Variants in CDK14 observed in about 807,000 individuals in gnomAD.
The protein encoded by CDK14 is cyclin dependent kinase 14, also known as cyclin-dependent kinase 14.
A neutral mutation model predicts 60.7 loss-of-function variants in CDK14; 34 were observed. The observed-to-expected ratio is 0.56, with a 90% CI of 0.43 to 0.75. CDK14 has a LOEUF of 0.75. Ranked by LOEUF, CDK14 falls within the 30% of genes least tolerant of loss-of-function variation. The probability of loss-of-function intolerance (pLI) is 0.00; values close to 1 mark genes in which losing one functional copy is unlikely to be tolerated. For synonymous variants in CDK14, 197 were observed against 203.7 expected, an observed-to-expected ratio of 0.97 and a Z score of 0.28; for missense variants, 482 against 564.1, an observed-to-expected ratio of 0.85 and a Z score of 1.47.
At chr7:90,965,687 C>G (rs1011136303) in intron 9 of CDK14, among the ~76,000 whole-genome samples, 1 of 152,196 alleles carries the variant, frequency 6.6e-6, no homozygotes, top group Non-Finnish European at 1.5e-5. Flanking sequence ...AGAATGCATA[C>G]ATTAGAGATA....
intron 4 of CDK14, among the ~76,000 whole-genome samples, chr7:90,787,567 T>A (rs562398385): frequency 1.1e-4 from 16 of 152,316 alleles, no homozygotes; most frequent in African/African-American, 3.8e-4. Context: ...TATACTATTA[T>A]AACAGCATTA....
intron 2 of CDK14, among the ~76,000 whole-genome samples, chr7:90,715,657 C>CTTT (rs34981055): frequency 3.2e-5 from 4 of 124,970 alleles, no homozygotes; most frequent in Non-Finnish European, 5.1e-5. Flanking sequence ...AGGAATAGAC[C>CTTT]TTTTTTTTTT....
intron 8 of CDK14, among the ~76,000 whole-genome samples, chr7:90,936,402 A>G (rs1262677883): frequency 3.3e-4 from 50 of 152,334 alleles, no homozygotes; most frequent in Admixed American, 3.3e-3. Flanking sequence ...ATCATATTCT[A>G]ACATGAATCA....
intron 8 of CDK14, among the ~76,000 whole-genome samples, chr7:90,938,354 G>A (rs1298541435): frequency 6.6e-6 from 1 of 152,224 alleles, no homozygotes; most frequent in Non-Finnish European, 1.5e-5. Context: ...CACATGGACA[G>A]ACTAGGCTTT....
intron 7 of CDK14, among the ~76,000 whole-genome samples, chr7:90,916,483 TG>T (rs1458815124): frequency 6.6e-6 from 1 of 152,238 alleles, no homozygotes; most frequent in East Asian, 1.9e-4. Context: ...GAAATTCACT[TG>T]GCTTTCAAAG....
chr7:91,126,345 C>T (rs1346669474), intron 14 of CDK14, among the ~76,000 whole-genome samples: 1 of 152,120 alleles, frequency 6.6e-6, no homozygotes, highest in Non-Finnish European at 1.5e-5. Flanking sequence ...CCAACCTCCA[C>T]CATACCTGTT....
At chr7:90,889,965 G>A (rs553373353) in intron 6 of CDK14, among the ~76,000 whole-genome samples, 4 of 152,294 alleles carry the variant, frequency 2.6e-5, no homozygotes, top group African/African-American at 9.6e-5. Flanking sequence ...ACTGGTTCAT[G>A]AATGGCTTGT....
intron 5 of CDK14, among the ~76,000 whole-genome samples, chr7:90,833,500 A>G (rs1562791194): frequency 6.6e-6 from 1 of 152,194 alleles, no homozygotes; most frequent in Non-Finnish European, 1.5e-5. Flanking sequence ...TCTGTCTTCA[A>G]GTCTCTTGTG....
At chr7:90,852,183 T>C (rs996952394) in intron 5 of CDK14, among the ~76,000 whole-genome samples, 1 of 152,198 alleles carries the variant, frequency 6.6e-6, no homozygotes, top group Non-Finnish European at 1.5e-5. Flanking sequence ...AGGGGTGAGC[T>C]GCTGTGTCTG....
chr7:90,681,590 A>G (rs1801318758), intron 2 of CDK14, among the ~76,000 whole-genome samples: 1 of 152,228 alleles, frequency 6.6e-6, no homozygotes, highest in African/African-American at 2.4e-5. Context: ...TTGTAATAAT[A>G]TAACAATTAA....
At chr7:90,598,339 G>T (rs1272758911) in intron 1 of CDK14, among the ~76,000 whole-genome samples, 2 of 152,284 alleles carry the variant, frequency 1.3e-5, no homozygotes, top group African/African-American at 4.8e-5. Flanking sequence ...GCAAATGGGG[G>T]TATTATAGTT....
chr7:90,647,667 A>G (rs1584766560), intron 2 of CDK14, among the ~76,000 whole-genome samples: 2 of 152,216 alleles, frequency 1.3e-5, no homozygotes, highest in South Asian at 4.2e-4. Flanking sequence ...ATAGATAGGG[A>G]AGGTGGGAGC....
intron 8 of CDK14, among the ~76,000 whole-genome samples, chr7:90,939,356 T>C (rs957015906): frequency 6.6e-6 from 1 of 152,236 alleles, no homozygotes; most frequent in African/African-American, 2.4e-5. Context: ...TTGTCTAGTA[T>C]AGCACAAGAT....
intron 11 of CDK14, among the ~76,000 whole-genome samples, chr7:91,056,616 T>A (rs1382579286): frequency 4.7e-5 from 7 of 150,148 alleles, no homozygotes; most frequent in African/African-American, 1.7e-4. Context: ...TGTCCATGTG[T>A]TCTCATTGTT....
intron 8 of CDK14, among the ~76,000 whole-genome samples, chr7:90,918,077 C>T (rs1278802655): frequency 6.6e-6 from 1 of 151,842 alleles, no homozygotes; most frequent in Admixed American, 6.6e-5. Flanking sequence ...CAAATATACT[C>T]AAAAGGAAAA....
In CDK14 at chr7:91,027,138, G is replaced by C. The variant is rs35398216; in HGVS notation, c.1042-18759G>C. 5.2e-3 allele frequency among the ~76,000 whole-genome samples: 797 copies of C among 152,284 alleles called. 5 individuals carry two copies. The highest frequency in any genetic ancestry group is 0.02 in the South Asian group (97 of 4,822). Reference sequence around the variant, plus strand: ...CATGTATAACCCACAATACGTAACTGTTATAATTTCTAGATACTGGAAAAT... The same window carrying C: ...CATGTATAACCCACAATACGTAACTCTTATAATTTCTAGATACTGGAAAAT... On this transcript the variant is annotated intron_variant, in intron 10 of 14. Transcript: ENST00000380050.
At chr7:90,804,420 A>C (rs1331244741) in intron 5 of CDK14, among the ~76,000 whole-genome samples, 1 of 152,216 alleles carries the variant, frequency 6.6e-6, no homozygotes, top group African/African-American at 2.4e-5. Context: ...TAAACCTTCT[A>C]ACAATCACCC....
chr7:90,830,443 C>T (rs1789878027), intron 5 of CDK14, among the ~76,000 whole-genome samples: 1 of 152,204 alleles, frequency 6.6e-6, no homozygotes, highest in African/African-American at 2.4e-5. Flanking sequence ...GGGCCCTGGG[C>T]CTGGCCCATG....
intron 9 of CDK14, among the ~76,000 whole-genome samples, chr7:90,961,368 AT>A (rs1794599810): frequency 6.6e-6 from 1 of 152,288 alleles, no homozygotes; most frequent in South Asian, 2.1e-4. Flanking sequence ...TTTAAAAAAA[AT>A]AAACCAAGGA....
Sources: gnomAD v4.1 joint callset for allele counts (sites outside exome capture counted in the v4.1 genomes callset) on GRCh38, gnomAD v4.1.1 for gene constraint, MANE v1.5 for transcripts, NCBI Gene and HGNC (gene_info 2026-07-23, HGNC 2026-07-21) for gene names.